Variants in MRAS observed in about 807,000 individuals in gnomAD.
The protein encoded by MRAS is muscle RAS oncogene homolog.
In MRAS, 4 loss-of-function variants were observed where a neutral mutation model predicts 20.9. That is an observed-to-expected ratio of 0.19 (90% CI 0.09 to 0.44). MRAS has a LOEUF of 0.44. Ranked by LOEUF, MRAS falls within the 20% of genes least tolerant of loss-of-function variation. The pLI, the probability that MRAS is intolerant of heterozygous loss-of-function variation, is 0.99. For synonymous variants in MRAS, 98 were observed against 102.9 expected (o/e 0.95, Z 0.29); for missense variants, 154 against 277.5 (o/e 0.56, Z 3.16).
chr3:138,389,075 C>T (rs1302112865), intron 2 of MRAS, among the ~76,000 whole-genome samples: 2 of 151,962 alleles, frequency 1.3e-5, no homozygotes, highest in Non-Finnish European at 2.9e-5. Context: ...CTCCTGACCT[C>T]GTGATCCGCC....
chr3:138,366,670 A>G (rs2054565795), intron 1 of MRAS, among the ~76,000 whole-genome samples: 1 of 152,232 alleles, frequency 6.6e-6, no homozygotes, highest in African/African-American at 2.4e-5. Context: ...TGATGCAGCA[A>G]AATGATTTGG....
upstream of MRAS, chr3:138,347,977 A>T (rs547563600): frequency 6.6e-6 from 1 of 152,256 alleles, no homozygotes; most frequent in East Asian, 1.9e-4. Flanking sequence ...ACGCCGCTGG[A>T]GAGGAGTTAG....
chr3:138,352,497 AT>A (rs1000380803), intron 1 of MRAS, among the ~76,000 whole-genome samples: 3 of 151,994 alleles, frequency 2.0e-5, no homozygotes, highest in East Asian at 1.9e-4. Flanking sequence ...TTATTATTTG[AT>A]TTTTTTGGTT....
rs1379048692 is a variant in MRAS, at chr3:138,405,340, G to A, written c.*3071G>A. 2 of 152,648 alleles carry A rather than the reference G, an allele frequency of 1.3e-5. No individual in the cohort carries two copies. 9.5% of individuals were successfully genotyped at this position (152,648 alleles called of 1,614,324 possible). A position where few individuals can be genotyped will look rare whatever the true frequency, so the allele number is the denominator to read the frequency against. On this transcript the variant is annotated 3_prime_UTR_variant, in exon 6 of 6. Coordinates refer to ENST00000423968, the MANE Select transcript of MRAS (RefSeq NM_001085049.3). The stretch of plus-strand genomic sequence containing the variant: ...CCCATTGTGTTTGAAATTCCATGTC[G>A]GGTTTACTTGGAATGAAAGATACTT...
In MRAS at chr3:138,375,990, A is replaced by AAAAAC. The variant is rs970878866; in HGVS notation, c.193+2929_193+2933dup. 7.0e-4 allele frequency among the ~76,000 whole-genome samples: 107 copies of AAAAAC among 152,344 alleles called. 1 individual carries two copies. Among genetic ancestry groups the AAAAAC allele is most frequent in the African/African-American group, 2.5e-3 (102 of 41,584 alleles). On this transcript the variant is annotated intron_variant, in intron 2 of 5. Coordinates refer to ENST00000423968, the MANE Select transcript of MRAS (RefSeq NM_001085049.3). ...GCAACAGAGTGAGACTCCCTCTCAAAAAAACAAAACAAAACAAAAAAACTT... is the reference window on the plus strand; with the variant it reads ...GCAACAGAGTGAGACTCCCTCTCAAAAAAACAAAACAAAACAAAACAAAAAAACTT...
At chr3:138,388,229 C>T (rs2055057538) in intron 2 of MRAS, among the ~76,000 whole-genome samples, 1 of 152,334 alleles carries the variant, frequency 6.6e-6, no homozygotes, top group African/African-American at 2.4e-5. Flanking sequence ...ACCCATTACC[C>T]AGAAAGGGGA....
intron 1 of MRAS, among the ~76,000 whole-genome samples, chr3:138,361,725 G>A (rs545081765): frequency 6.6e-6 from 1 of 152,172 alleles, no homozygotes; most frequent in Non-Finnish European, 1.5e-5. Context: ...GGCCAAGGGC[G>A]CTCAGTCTGG....
At chr3:138,352,722 G>A (rs1564407) in intron 1 of MRAS, among the ~76,000 whole-genome samples, 90,211 of 151,724 alleles carry the variant, frequency 0.59, 27,766 homozygotes, top group East Asian at 0.73. Context: ...CATATGGGTT[G>A]TAGTGCTAGT....
chr3:138,389,892 G>T (rs192639484), intron 2 of MRAS, among the ~76,000 whole-genome samples: 1 of 152,100 alleles, frequency 6.6e-6, no homozygotes, highest in Non-Finnish European at 1.5e-5. Context: ...ATGGGCCACT[G>T]TCGGAGCCCC....
chr3:138,351,753 G>T (rs976476378), intron 1 of MRAS, among the ~76,000 whole-genome samples: 1 of 152,190 alleles, frequency 6.6e-6, no homozygotes, highest in African/African-American at 2.4e-5. Flanking sequence ...TCCTGCATGG[G>T]ACAGGTAGCC....
intron 2 of MRAS, among the ~76,000 whole-genome samples, chr3:138,379,759 G>T (rs1331438807): frequency 6.6e-6 from 1 of 152,082 alleles, no homozygotes; most frequent in Non-Finnish European, 1.5e-5. Flanking sequence ...CCTTACTCTT[G>T]GCTATTGTGA....
At chr3:138,386,097 C>A (rs937560014) in intron 2 of MRAS, among the ~76,000 whole-genome samples, 22 of 152,106 alleles carry the variant, frequency 1.4e-4, no homozygotes, top group Admixed American at 1.4e-3. Flanking sequence ...AATTCACATG[C>A]AGAATTCACA....
rs142869501 is a variant in MRAS, at chr3:138,377,241, G to A, written c.193+4165G>A. ...CCCGATTTAGGGCATTGCCCACCCA[G>A]GCCTTCCTCGGGAATAGACACCAGA... On this transcript the variant is annotated intron_variant, in intron 2 of 5. Coordinates refer to ENST00000423968, the MANE Select transcript of MRAS (RefSeq NM_001085049.3). Among the ~76,000 whole-genome samples, 1,048 of 152,326 alleles carry A rather than the reference G, an allele frequency of 6.9e-3. 7 individuals carry two copies. Among genetic ancestry groups the A allele is most frequent in the African/African-American group, 0.019 (787 of 41,570 alleles).
intron 1 of MRAS, among the ~76,000 whole-genome samples, chr3:138,364,213 G>A (rs1025332677): frequency 1.3e-5 from 2 of 152,182 alleles, no homozygotes; most frequent in African/African-American, 4.8e-5. Flanking sequence ...AGGAGGCTGA[G>A]CTGTGTTGAA....
chr3:138,393,829 A>G (rs2055178428), intron 2 of MRAS, among the ~76,000 whole-genome samples: 1 of 152,052 alleles, frequency 6.6e-6, no homozygotes. Context: ...AGCTGGGATT[A>G]CAGGCACCTG....
At chr3:138,351,991 C>T (rs564381203) in intron 1 of MRAS, among the ~76,000 whole-genome samples, 45 of 152,320 alleles carry the variant, frequency 3.0e-4, no homozygotes, top group Admixed American at 5.9e-4. Flanking sequence ...TCTGTAAGCC[C>T]ATTGTGCAGC....
chr3:138,379,829 T>G (rs1436203007), intron 2 of MRAS, among the ~76,000 whole-genome samples: 2 of 151,686 alleles, frequency 1.3e-5, no homozygotes, highest in Non-Finnish European at 2.9e-5. Flanking sequence ...TTTCCTTTCC[T>G]TTGAGTGTAT....
chr3:138,393,666 C>T (rs951754175), intron 2 of MRAS, among the ~76,000 whole-genome samples: 4 of 147,850 alleles, frequency 2.7e-5, no homozygotes, highest in African/African-American at 5.0e-5. Flanking sequence ...ATATGAATTA[C>T]GATATTGCCT....
At chr3:138,362,656 G>A (rs1031422597) in intron 1 of MRAS, among the ~76,000 whole-genome samples, 29 of 152,250 alleles carry the variant, frequency 1.9e-4, no homozygotes, top group South Asian at 4.2e-4. Context: ...CTTGGGGCTA[G>A]GGCAGGGTCC....
Sources: allele counts gnomAD v4.1 joint callset (sites outside exome capture counted in the v4.1 genomes callset), GRCh38; gene constraint gnomAD v4.1.1; transcripts MANE v1.5; gene names NCBI Gene and HGNC (gene_info 2026-07-23, HGNC 2026-07-21).